THOC1: variants seen among roughly 807,000 people sequenced by gnomAD.
THOC1 encodes THO complex subunit 1, also known as THO complex 1.
A neutral mutation model predicts 97.3 loss-of-function variants in THOC1; 29 were observed. The ratio of observed to expected loss-of-function variants is 0.30; its 90% CI spans 0.22 to 0.41. THOC1 has a LOEUF of 0.41. Among genes scored for constraint, THOC1 ranks in the 10% least tolerant of loss-of-function variants. The pLI, the probability that THOC1 is intolerant of heterozygous loss-of-function variation, is 1.00. For missense variants in THOC1, 529 were observed against 761.9 expected, an observed-to-expected ratio of 0.69 and a Z score of 3.60; for synonymous variants, 255 against 257.0, an observed-to-expected ratio of 0.99 and a Z score of 0.07.
chr18:246,482 T>C (rs1912091797), intron 10 of THOC1, 27 bp from the exon 11 acceptor site: 1 of 1,555,276 alleles, frequency 6.4e-7, no homozygotes, highest in African/African-American at 1.4e-5. Flanking sequence ...TTAGTTTTAT[T>C]CGACATTGTT....
intron 11 of THOC1, among the ~76,000 whole-genome samples, chr18:227,639 G>C (rs1170894724): frequency 1.3e-5 from 2 of 152,012 alleles, no homozygotes; most frequent in African/African-American, 2.4e-5. Context: ...CCAGCTGTAA[G>C]AATAACCTGC....
rs548820203 is a variant in THOC1 at position 234,144 on chromosome 18, T to C, written c.919-7243A>G. ...CACTATTGATGTTTCTCTTGCAATC[T>C]TGCTGAAGTTTCATTAGTTCTAACA... On this transcript the variant is annotated intron_variant, in intron 11 of 20. Transcript: ENST00000261600. Among the ~76,000 whole-genome samples the C allele has an allele frequency of 6.6e-5, 10 of 152,348 alleles. No homozygotes were observed. In the East Asian group the frequency reaches 9.6e-4, roughly 15 times the overall value.
At chr18:216,760 A>G in intron 18 of THOC1, 127 bp from the exon 19 acceptor site, 3 of 1,281,220 alleles carry the variant, frequency 2.3e-6, no homozygotes, top group Non-Finnish European at 3.0e-6. Context: ...TTGTATTTGA[A>G]TCTTATTCCT....
At chr18:249,187 TTAG>T (rs920999520) in intron 9 of THOC1, among the ~76,000 whole-genome samples, 1 of 152,188 alleles carries the variant, frequency 6.6e-6, no homozygotes, top group African/African-American at 2.4e-5. Context: ...TCATCATGAA[TTAG>T]TAGTATCTGA....
chr18:235,073 A>ATTTG (rs796659884), intron 11 of THOC1, among the ~76,000 whole-genome samples: 46 of 131,336 alleles, frequency 3.5e-4, no homozygotes, highest in African/African-American at 1.3e-3. Context: ...TTGTTCATTT[A>ATTTG]TTTGGTTTTC....
intron 17 of THOC1, 105 bp downstream of exon 17, chr18:223,335 T>TAAACTTTTAA (rs1209726039): frequency 1.8e-5 from 16 of 893,346 alleles, no homozygotes; most frequent in Non-Finnish European, 2.6e-5. Context: ...TCAACCACAA[T>TAAACTTTTAA]AAACTTTTAA....
At chr18:262,334 A>G (rs1034806447) in intron 4 of THOC1, among the ~76,000 whole-genome samples, 1 of 152,246 alleles carries the variant, frequency 6.6e-6, no homozygotes, top group South Asian at 2.1e-4. Context: ...CACTGAATAG[A>G]AGCTCAATAA....
intron 11 of THOC1, among the ~76,000 whole-genome samples, chr18:232,557 T>C (rs1911522745): frequency 6.6e-6 from 1 of 151,748 alleles, no homozygotes; most frequent in African/African-American, 2.4e-5. Flanking sequence ...TACAAATACA[T>C]CATTTACAAA....
At position 225,014 on chromosome 18, in the gene THOC1, T is replaced by A. The variant is rs1265249762; in HGVS notation, c.1138-20A>T. ...TATATGCTGGGAAAAACAAAGCGATTACATTTTGGTTAGTGGAATCCTCTG... is the reference window on the plus strand; with the variant it reads ...TATATGCTGGGAAAAACAAAGCGATAACATTTTGGTTAGTGGAATCCTCTG... On this transcript the variant is annotated intron_variant, in intron 14 of 20. Transcript: ENST00000261600. 7 of 1,566,260 alleles carry A rather than the reference T, an allele frequency of 4.5e-6. No individual in the cohort carries two copies. In the Admixed American group the frequency reaches 1.1e-4, roughly 26 times the overall value.
At chr18:239,584 C>T (rs976053969) in intron 11 of THOC1, among the ~76,000 whole-genome samples, 5 of 152,126 alleles carry the variant, frequency 3.3e-5, no homozygotes, top group African/African-American at 1.2e-4. Flanking sequence ...GGGACACAGG[C>T]GTGAGCCATT....
At chr18:260,716 A>T (rs1369980936) in intron 4 of THOC1, 1 of 152,606 alleles carries the variant, frequency 6.6e-6, no homozygotes, top group African/African-American at 2.4e-5. Flanking sequence ...TGGGATACGA[A>T]CCCAGGCAGT....
intron 4 of THOC1, among the ~76,000 whole-genome samples, chr18:263,087 C>T (rs1203329031): frequency 6.6e-6 from 1 of 152,024 alleles, no homozygotes; most frequent in Non-Finnish European, 1.5e-5. Context: ...TCTGCAGCTG[C>T]TCTTTTTTTT....
chr18:235,464 T>G (rs1453942942), intron 11 of THOC1, among the ~76,000 whole-genome samples: 1 of 152,176 alleles, frequency 6.6e-6, no homozygotes, highest in Non-Finnish European at 1.5e-5. Context: ...CATTAATGCA[T>G]ATGAAGCTTT....
chr18:224,860 C>A, intron 15 of THOC1, 64 bp downstream of exon 15: 2 of 1,314,642 alleles, frequency 1.5e-6, no homozygotes, highest in South Asian at 2.6e-5. Flanking sequence ...AGCACATTTT[C>A]AAAAGCCTTT....
Position 214,673 on chromosome 18 carries a change from T to C in THOC1, c.1927A>G (p.Ser643Gly), listed in dbSNP as rs1598283995. The C allele has an allele frequency of 1.9e-6, 3 of 1,614,012 alleles. No individual in the cohort carries two copies. The change falls in exon 21 of 21, where the codon AGT (serine) becomes GGT (glycine). Residue 643 changes from serine (S) to glycine (G), a missense_variant. Ser to Gly is a moderately conservative substitution (Grantham distance 56). Transcript: ENST00000261600. Reference sequence around the variant, plus strand: ...TTAGTTAGACTTTCTGCAAGGTCACTTAATCCAGACTTATTCAGTGCATTA... The same window carrying C: ...TTAGTTAGACTTTCTGCAAGGTCACCTAATCCAGACTTATTCAGTGCATTA... ...LINALNKSGL[S>G]DLAESLTNDN...
intron 11 of THOC1, among the ~76,000 whole-genome samples, chr18:230,864 T>TA (rs1911461685): frequency 6.6e-6 from 1 of 152,156 alleles, no homozygotes; most frequent in Non-Finnish European, 1.5e-5. Context: ...GCCTCCTGAG[T>TA]AGCTAGGACC....
chr18:267,880 C>T, intron 1 of THOC1, 86 bp downstream of exon 1: 1 of 1,425,092 alleles, frequency 7.0e-7, no homozygotes, highest in South Asian at 1.3e-5. Flanking sequence ...CTCACTTTAC[C>T]CCAGGGCAAA....
intron 11 of THOC1, among the ~76,000 whole-genome samples, chr18:236,584 C>G (rs1157161543): frequency 6.6e-6 from 1 of 151,578 alleles, no homozygotes; most frequent in East Asian, 1.9e-4. Flanking sequence ...AGGATGGTCT[C>G]GATCTCCTGA....
At chr18:231,529 A>G (rs1415621462) in intron 11 of THOC1, among the ~76,000 whole-genome samples, 1 of 152,208 alleles carries the variant, frequency 6.6e-6, no homozygotes, top group East Asian at 1.9e-4. Context: ...AGATCAAATT[A>G]TCCAATTTTT....
Sources: gnomAD v4.1 joint callset for allele counts (sites outside exome capture counted in the v4.1 genomes callset) on GRCh38, gnomAD v4.1.1 for gene constraint, MANE v1.5 for transcripts, NCBI Gene and HGNC (gene_info 2026-07-23, HGNC 2026-07-21) for gene names.